Variants in RXRA observed in about 807,000 individuals in gnomAD.
RXRA encodes retinoic acid receptor RXR-alpha.
A neutral mutation model predicts 44.5 loss-of-function variants in RXRA; 5 were observed. The observed-to-expected ratio is 0.11, with a 90% CI of 0.06 to 0.24. The LOEUF is 0.24. Among genes scored for constraint, RXRA ranks in the 10% least tolerant of loss-of-function variants. The pLI is 1.00. For synonymous variants in RXRA, 291 were observed against 271.4 expected, an observed-to-expected ratio of 1.07 and a Z score of -0.71; for missense variants, 412 against 646.5, an observed-to-expected ratio of 0.64 and a Z score of 3.93.
chr9:134,421,876 C>T (rs551637765), intron 6 of RXRA, 71 bp downstream of exon 6: 34 of 1,580,102 alleles, frequency 2.2e-5, no homozygotes, highest in Middle Eastern at 3.3e-4. Flanking sequence ...ACTCCCCCCT[C>T]CCGGGATACT....
At chr9:134,334,054 G>A (rs1660181126) in intron 1 of RXRA, among the ~76,000 whole-genome samples, 1 of 152,392 alleles carries the variant, frequency 6.6e-6, no homozygotes, top group Admixed American at 6.5e-5. Context: ...CAAGCCTGCT[G>A]GGTCTGTGCC....
At chr9:134,435,969 G>A (rs1031881922) in intron 9 of RXRA, among the ~76,000 whole-genome samples, 4 of 152,150 alleles carry the variant, frequency 2.6e-5, no homozygotes, top group Non-Finnish European at 2.9e-5. Flanking sequence ...GGGCTCAAGC[G>A]GTCCTCCCTG....
chr9:134,431,953 G>A lies in RXRA; in HGVS notation c.1092G>A (p.Lys364=), dbSNP rs1253574981. The A allele has an allele frequency of 6.2e-7, 1 of 1,614,042 alleles. No homozygotes were observed. Among genetic ancestry groups the A allele is most frequent in the African/African-American group, 1.3e-5 (1 of 75,070 alleles). Residue 364 remains lysine, a synonymous_variant, in exon 8 of 10, where the codon AAG becomes AAA. Transcript: ENST00000481739. ...AGATGCGGGACATGCAGATGGACAA[G>A]ACGGAGCTGGGCTGCCTGCGCGCCA... ...VSKMRDMQMD[K]TELGCLRAIV...
Position 134,438,941 on chromosome 9 carries a change from A to G in RXRA, c.*2327A>G, listed in dbSNP as rs1184660741. On this transcript the variant is annotated 3_prime_UTR_variant, in exon 10 of 10. Coordinates refer to ENST00000481739, the MANE Select transcript of RXRA (RefSeq NM_002957.6). Reference sequence around the variant, plus strand: ...CTCCCTGGCCACAGCAGCCTTACCCACCGCTCTACGTGTCCCGGGCACTTC... The same window carrying G: ...CTCCCTGGCCACAGCAGCCTTACCCGCCGCTCTACGTGTCCCGGGCACTTC... The G allele has an allele frequency of 4.6e-5, 7 of 152,178 alleles. No individual in the cohort carries two copies. Among genetic ancestry groups the G allele is most frequent in the African/African-American group, 1.4e-4 (6 of 41,404 alleles). 9.4% of individuals were successfully genotyped at this position (152,178 alleles called of 1,614,324 possible).
At chr9:134,346,835 C>T (rs1360412251) in intron 1 of RXRA, among the ~76,000 whole-genome samples, 9 of 152,166 alleles carry the variant, frequency 5.9e-5, no homozygotes, top group Non-Finnish European at 1.2e-4. Flanking sequence ...GAGCCCTTGT[C>T]GGGACAGTGT....
At chr9:134,401,911 G>C in intron 2 of RXRA, 29 bp downstream of exon 2, 2 of 1,541,326 alleles carry the variant, frequency 1.3e-6, no homozygotes, top group Non-Finnish European at 1.8e-6. Context: ...CAAGGGGAGG[G>C]GGTGGGGCCT....
At chr9:134,381,209 GA>G (rs1420658729) in intron 1 of RXRA, among the ~76,000 whole-genome samples, 1 of 152,212 alleles carries the variant, frequency 6.6e-6, no homozygotes, top group East Asian at 1.9e-4. Context: ...TGGAGCTGCA[GA>G]GGCTTTGAAG....
chr9:134,431,899 C>G lies in RXRA; in HGVS notation c.1044-6C>G, dbSNP rs1831538145. 6.2e-7 allele frequency: 1 copy of G among 1,611,908 alleles called. No homozygotes were observed. The highest frequency in any genetic ancestry group is 1.1e-5 in the South Asian group (1 of 91,048). On this transcript the variant is annotated splice_region_variant and splice_polypyrimidine_tract_variant and intron_variant, in intron 7 of 9. Transcript: ENST00000481739. The stretch of plus-strand genomic sequence containing the variant: ...GGGATGGGGTGTCTGCCCTCCTCCT[C>G]TGCAGGGTGCTGACGGAGCTTGTGT...
intron 1 of RXRA, among the ~76,000 whole-genome samples, chr9:134,399,210 T>C (rs567142543): frequency 6.6e-6 from 1 of 152,336 alleles, no homozygotes; most frequent in African/African-American, 2.4e-5. Context: ...GAGGCAGCCA[T>C]GTGGCATTCC....
At chr9:134,375,299 C>G (rs1830542149) in intron 1 of RXRA, among the ~76,000 whole-genome samples, 1 of 152,120 alleles carries the variant, frequency 6.6e-6, no homozygotes, top group African/African-American at 2.4e-5. Flanking sequence ...GAGGTGGGAG[C>G]TGCCTGCTGT....
chr9:134,394,942 G>A (rs1259079214), intron 1 of RXRA, among the ~76,000 whole-genome samples: 2 of 152,206 alleles, frequency 1.3e-5, no homozygotes, highest in African/African-American at 2.4e-5. Context: ...CTCTGCATTT[G>A]TGCAGGGGTG....
rs1831536701 is a variant in RXRA at position 134,431,836 on chromosome 9, A to G, written c.1044-69A>G. ...GCCGGGCTCTCCAGAGGCCTTGGGTATCTGGGGTGTGGCCCTGGTGAGGGC... is the reference window on the plus strand; with the variant it reads ...GCCGGGCTCTCCAGAGGCCTTGGGTGTCTGGGGTGTGGCCCTGGTGAGGGC... On this transcript the variant is annotated intron_variant, in intron 7 of 9. Transcript: ENST00000481739. 3 of 1,233,692 alleles carry G rather than the reference A, an allele frequency of 2.4e-6. No individual in the cohort carries two copies. In the African/African-American group the frequency reaches 4.5e-5, roughly 18 times the overall value. The allele number at this position is 1,233,692 out of a possible 1,614,324, so 76.4% of individuals were successfully genotyped here.
intron 1 of RXRA, among the ~76,000 whole-genome samples, chr9:134,393,198 G>A (rs1294272680): frequency 3.9e-5 from 6 of 152,120 alleles, no homozygotes; most frequent in African/African-American, 1.2e-4. Context: ...AGCCATGAGC[G>A]ACCTGGGCGC....
intron 1 of RXRA, among the ~76,000 whole-genome samples, chr9:134,370,352 C>T (rs1163037886): frequency 3.3e-5 from 5 of 152,216 alleles, no homozygotes; most frequent in Admixed American, 3.3e-4. Flanking sequence ...CTGCTGGGAG[C>T]ACGTCAGGCC....
chr9:134,391,105 C>T (rs527430977), intron 1 of RXRA, among the ~76,000 whole-genome samples: 6 of 152,264 alleles, frequency 3.9e-5, no homozygotes, highest in African/African-American at 1.2e-4. Flanking sequence ...CTCAGCGGGC[C>T]GTGGGAAGAC....
At chr9:134,388,286 T>TGTGTGTGTGTGTGA (rs71381810) in intron 1 of RXRA, among the ~76,000 whole-genome samples, 11 of 150,886 alleles carry the variant, frequency 7.3e-5, no homozygotes, top group African/African-American at 2.0e-4. Context: ...AGAAGCAGTG[T>TGTGTGTGTGTGTGA]GTGTGTGAGT....
rs1220628116 is a variant in RXRA, at chr9:134,326,603, C to T, written c.-29C>T. On this transcript the variant is annotated 5_prime_UTR_variant, in exon 1 of 10. Transcript: ENST00000481739. The stretch of plus-strand genomic sequence containing the variant: ...CGCGCCCGCCGCCCGCTGCCTGCGC[C>T]GCCGGCCGGGCATGAGTTAGTCGCA... 34 of 950,004 alleles carry T rather than the reference C, an allele frequency of 3.6e-5. No individual in the cohort carries two copies. The highest frequency in any genetic ancestry group is 1.8e-5 in the African/African-American group (1 of 55,018). 58.8% of individuals were successfully genotyped at this position (950,004 alleles called of 1,614,324 possible).
chr9:134,433,854 C>T lies in RXRA; in HGVS notation c.1136-248C>T, dbSNP rs1187069156. ...AGGTCAAATAGTTGACCCAAGGTCA[C>T]GTGGCTGGCAAGTGGCAGAGCTGAG... On this transcript the variant is annotated intron_variant, in intron 8 of 9. Transcript: ENST00000481739. The surrounding 1 kb of genome is among the most constrained non-coding windows in gnomAD (Gnocchi z 4.2). Among the ~76,000 whole-genome samples the T allele has an allele frequency of 2.0e-5, 3 of 152,188 alleles. No homozygotes were observed. The highest frequency in any genetic ancestry group is 4.4e-5 in the Non-Finnish European group (3 of 68,032).
At chr9:134,371,599 C>T (rs942210911) in intron 1 of RXRA, among the ~76,000 whole-genome samples, 3 of 152,230 alleles carry the variant, frequency 2.0e-5, no homozygotes, top group Non-Finnish European at 4.4e-5. Flanking sequence ...GGCCATGGCA[C>T]TGGTGGCTTG....
Sources: gnomAD v4.1 joint callset for allele counts (sites outside exome capture counted in the v4.1 genomes callset) on GRCh38, gnomAD v4.1.1 for gene constraint, Gnocchi (gnomAD v3.1) non-coding constraint, MANE v1.5 for transcripts, NCBI Gene and HGNC (gene_info 2026-07-23, HGNC 2026-07-21) for gene names.